The following MYO7B variants were observed in gnomAD, a reference collection of about 807,000 sequenced individuals.
MYO7B encodes the protein myosin VIIB.
In MYO7B, 212 loss-of-function variants were observed where a neutral mutation model predicts 259.7. The observed-to-expected ratio is 0.82, with a 90% confidence interval of 0.73 to 0.91. The LOEUF is 0.91. Ranked by LOEUF, MYO7B falls within the 40% of genes least tolerant of loss-of-function variation. The pLI is 0.00. For missense variants in MYO7B, 2,732 were observed against 2,813.5 expected, an observed-to-expected ratio of 0.97 and a Z score of 0.66; for synonymous variants, 1,197 against 1,166.4, an observed-to-expected ratio of 1.03 and a Z score of -0.54.
At chr2:127,591,756 G>A (rs1679568580) in intron 16 of MYO7B, among the ~76,000 whole-genome samples, 1 of 152,170 alleles carries the variant, frequency 6.6e-6, no homozygotes, top group Non-Finnish European at 1.5e-5. Context: ...GTGGAGAGGG[G>A]CTCTCTAGAA....
At chr2:127,617,794 G>C (rs1353805858) in intron 26 of MYO7B, among the ~76,000 whole-genome samples, 1 of 150,788 alleles carries the variant, frequency 6.6e-6, no homozygotes, top group Non-Finnish European at 1.5e-5. Flanking sequence ...GAGCCACCGC[G>C]CCCGGCCTTG....
At chr2:127,536,767 T>C (rs1165096619) in intron 1 of MYO7B, among the ~76,000 whole-genome samples, 1 of 152,204 alleles carries the variant, frequency 6.6e-6, no homozygotes, top group Non-Finnish European at 1.5e-5. Flanking sequence ...AGGATTTTAG[T>C]TCAGAGATTC....
chr2:127,596,630 A>G (rs748896839), intron 19 of MYO7B, 74 bp downstream of exon 19: 81 of 1,265,898 alleles, frequency 6.4e-5, no homozygotes, highest in Non-Finnish European at 5.6e-5. Flanking sequence ...GCAGCCCACA[A>G]ACCAGGATCA....
chr2:127,563,560 G>A (rs916187292), intron 2 of MYO7B, among the ~76,000 whole-genome samples: 1 of 152,194 alleles, frequency 6.6e-6, no homozygotes, highest in Non-Finnish European at 1.5e-5. Flanking sequence ...GACAGGCCAG[G>A]CAAGCTCCGC....
Position 127,584,712 on chromosome 2 carries a change from C to T in MYO7B, c.1555-66C>T, listed in dbSNP as rs1456570328. On this transcript the variant is annotated intron_variant, in intron 13 of 47. Transcript: ENST00000409816. This position sits in a 1 kb window ranked among gnomAD's most constrained non-coding sequence, Gnocchi z 5.8. ...TCTCTTTGCCTCCATGAGGAAGTCC[C>T]TGAGCCTCACCTCCCCATGGCTGGA... is the stretch of plus-strand genomic sequence containing the variant. 2 of 1,587,548 alleles carry T rather than the reference C, an allele frequency of 1.3e-6. No homozygotes were observed. Among genetic ancestry groups the T allele is most frequent in the Non-Finnish European group, 1.7e-6 (2 of 1,164,382 alleles).
Position 127,559,875 on chromosome 2 carries a change from C to T in MYO7B, c.18+135C>T, listed in dbSNP as rs1677998346. ...ACCAGAGACAGGGGAGTTTAGGAAA[C>T]ACGACAGATTCTAGCATCTAAAGAA... On this transcript the variant is annotated intron_variant, in intron 2 of 47. Coordinates refer to ENST00000409816, the MANE Select transcript of MYO7B (RefSeq NM_001393586.1). This position sits in a 1 kb window ranked among gnomAD's most constrained non-coding sequence, Gnocchi z 4.1. 1 of 1,053,752 alleles carries T rather than the reference C, an allele frequency of 9.5e-7. No homozygotes were observed. The highest frequency in any genetic ancestry group is 1.3e-5 in the South Asian group (1 of 76,628). The allele number at this position is 1,053,752 out of a possible 1,614,324, so 65.3% of individuals were successfully genotyped here. A position where few individuals can be genotyped will look rare whatever the true frequency, so the allele number is the denominator to read the frequency against.
intron 18 of MYO7B, 86 bp downstream of exon 18, chr2:127,593,730 C>G: frequency 8.0e-7 from 1 of 1,249,910 alleles, no homozygotes; most frequent in Non-Finnish European, 1.2e-6. Context: ...GGTCCATGGT[C>G]CATGTGCCCT....
intron 4 of MYO7B, 134 bp downstream of exon 4, chr2:127,565,519 C>A: frequency 8.1e-7 from 1 of 1,235,122 alleles, no homozygotes; most frequent in Non-Finnish European, 1.1e-6. Context: ...AGGTGCCTAA[C>A]TTTTCCCAAT....
chr2:127,594,901 C>T (rs551767084), intron 18 of MYO7B, among the ~76,000 whole-genome samples: 2 of 152,224 alleles, frequency 1.3e-5, no homozygotes, highest in African/African-American at 4.8e-5. Flanking sequence ...ATTTTTGCAT[C>T]GATGTTCATC....
At chr2:127,543,887 G>A (rs1369574268) in intron 1 of MYO7B, among the ~76,000 whole-genome samples, 5 of 151,968 alleles carry the variant, frequency 3.3e-5, no homozygotes, top group Non-Finnish European at 5.9e-5. Flanking sequence ...TGGGACTACA[G>A]GCACCTGCCA....
intron 38 of MYO7B, 77 bp downstream of exon 38, chr2:127,631,830 G>A: frequency 6.5e-7 from 1 of 1,542,612 alleles, no homozygotes; most frequent in Non-Finnish European, 8.8e-7. Context: ...CCGAGGCTCA[G>A]AGAGGACACC....
intron 1 of MYO7B, among the ~76,000 whole-genome samples, chr2:127,544,824 C>T (rs1337167785): frequency 6.6e-6 from 1 of 152,070 alleles, no homozygotes; most frequent in Non-Finnish European, 1.5e-5. Context: ...TCGTGATCCA[C>T]CCGCCTCGGC....
At chr2:127,633,160 T>G in intron 39 of MYO7B, 98 bp from the exon 40 acceptor site, 1 of 947,814 alleles carries the variant, frequency 1.1e-6, no homozygotes, top group Non-Finnish European at 1.6e-6. Flanking sequence ...GGGGTTTTCT[T>G]TTGTTTCTGG....
chr2:127,565,629 A>T (rs1034924525), intron 4 of MYO7B, among the ~76,000 whole-genome samples: 1 of 152,236 alleles, frequency 6.6e-6, no homozygotes, highest in African/African-American at 2.4e-5. Context: ...GTCTCTGCTC[A>T]GTGAGGGCTG....
chr2:127,608,646 C>T, intron 21 of MYO7B, 62 bp from the exon 22 acceptor site: 3 of 1,536,060 alleles, frequency 2.0e-6, no homozygotes, highest in Admixed American at 3.8e-5. Flanking sequence ...GTGGGGTAGG[C>T]AGGGCTGGGC....
intron 26 of MYO7B, among the ~76,000 whole-genome samples, chr2:127,618,651 C>T: frequency 6.6e-6 from 1 of 152,212 alleles, no homozygotes; most frequent in East Asian, 1.9e-4. Flanking sequence ...GATCACGACC[C>T]TCACTCTTTC....
chr2:127,570,295 G>A (rs1678541368), intron 6 of MYO7B, among the ~76,000 whole-genome samples: 1 of 152,236 alleles, frequency 6.6e-6, no homozygotes, highest in Non-Finnish European at 1.5e-5. Flanking sequence ...ACCTGCAGAA[G>A]GCAAAGTGGG....
At chr2:127,580,878 C>A in intron 10 of MYO7B, 56 bp downstream of exon 10, 2 of 1,506,258 alleles carry the variant, frequency 1.3e-6, no homozygotes, top group East Asian at 4.7e-5. Context: ...GAGGCCTGGG[C>A]TGACAGACCC....
Position 127,607,386 on chromosome 2 carries a change from A to G in MYO7B, c.2605A>G (p.Met869Val), listed in dbSNP as rs745692263. 29 of 1,551,178 alleles carry G rather than the reference A, an allele frequency of 1.9e-5. No individual in the cohort carries two copies. The South Asian group carries it at 3.0e-4, about 16-fold the overall frequency. Residue 869 changes from methionine (M) to valine (V), a missense_variant, in exon 21 of 48, where the codon ATG becomes GTG. Transcript: ENST00000409816. This position sits in a 1 kb window ranked among gnomAD's most constrained non-coding sequence, Gnocchi z 4.4. Reference protein sequence around the residue: ...VVVIQAHARGMAARRNFQQRK... With the variant: ...VVVIQAHARGVAARRNFQQRK... Reference sequence around the variant, plus strand: ...GGTCATTCAGGCCCATGCCAGGGGCATGGCTGCCCGGCGCAACTTCCAGCA... The same window carrying G: ...GGTCATTCAGGCCCATGCCAGGGGCGTGGCTGCCCGGCGCAACTTCCAGCA...
Sources: gnomAD v4.1 joint callset for allele counts (sites outside exome capture counted in the v4.1 genomes callset) on GRCh38, gnomAD v4.1.1 for gene constraint, Gnocchi (gnomAD v3.1) non-coding constraint, MANE v1.5 for transcripts, NCBI Gene and HGNC (gene_info 2026-07-23, HGNC 2026-07-21) for gene names.